Variants in NXPH1 observed in about 807,000 individuals in gnomAD.
NXPH1 encodes the protein neurexophilin 1.
Under a neutral mutation model 23.7 loss-of-function variants are expected in NXPH1, and 5 were observed. The observed-to-expected ratio is 0.21, with a 90% CI of 0.11 to 0.44. NXPH1 has a LOEUF of 0.44. Ranked by LOEUF, NXPH1 falls within the 20% of genes least tolerant of loss-of-function variation. The probability of loss-of-function intolerance (pLI) is 0.99; values close to 1 mark genes in which losing one functional copy is unlikely to be tolerated. For synonymous variants in NXPH1, 144 were observed against 122.2 expected (o/e 1.18, Z -1.18); for missense variants, 324 against 321.6 (o/e 1.01, Z -0.06).
intron 2 of NXPH1, among the ~76,000 whole-genome samples, chr7:8,527,058 A>T (rs1308741965): frequency 6.6e-6 from 1 of 152,172 alleles, no homozygotes; most frequent in Non-Finnish European, 1.5e-5. Context: ...CCAAAAAAAA[A>T]ATGGGTAGAA....
intron 2 of NXPH1, among the ~76,000 whole-genome samples, chr7:8,581,577 G>C (rs2128623757): frequency 6.6e-6 from 1 of 152,192 alleles, no homozygotes; most frequent in South Asian, 2.1e-4. Context: ...CCAACATCAG[G>C]GATTACAGTT....
intron 2 of NXPH1, among the ~76,000 whole-genome samples, chr7:8,544,662 T>C (rs1325506836): frequency 6.6e-6 from 1 of 151,638 alleles, no homozygotes; most frequent in Non-Finnish European, 1.5e-5. Context: ...TATGAATTTT[T>C]ATTATGCTTC....
At chr7:8,704,876 C>T (rs915384457) in intron 2 of NXPH1, among the ~76,000 whole-genome samples, 1 of 152,060 alleles carries the variant, frequency 6.6e-6, no homozygotes, top group African/African-American at 2.4e-5. Flanking sequence ...AGGCAAAATC[C>T]TCCTAAAGGT....
At chr7:8,552,114 C>CAAAAAAAAAAAAA (rs34390317) in intron 2 of NXPH1, among the ~76,000 whole-genome samples, 8 of 61,744 alleles carry the variant, frequency 1.3e-4, no homozygotes, top group African/African-American at 2.8e-4. Flanking sequence ...GAAAAAAAAC[C>CAAAAAAAAAAAAA]AAAAAAAAAA....
intron 2 of NXPH1, among the ~76,000 whole-genome samples, chr7:8,599,199 G>C (rs1436761259): frequency 6.6e-6 from 1 of 152,150 alleles, no homozygotes; most frequent in Non-Finnish European, 1.5e-5. Context: ...CTTCCTGGAA[G>C]AGAAAATATT....
At chr7:8,565,343 A>G (rs531329405) in intron 2 of NXPH1, among the ~76,000 whole-genome samples, 11 of 151,952 alleles carry the variant, frequency 7.2e-5, no homozygotes, top group Admixed American at 2.6e-4. Flanking sequence ...TAAGCACGCA[A>G]TGCAGGATCT....
chr7:8,440,054 T>A (rs573524418), intron 2 of NXPH1, among the ~76,000 whole-genome samples: 1 of 152,360 alleles, frequency 6.6e-6, no homozygotes, highest in East Asian at 1.9e-4. Context: ...CTCATTCCAC[T>A]GCATTTCCTG....
intron 2 of NXPH1, among the ~76,000 whole-genome samples, chr7:8,633,324 A>G (rs896133961): frequency 1.3e-5 from 2 of 152,196 alleles, no homozygotes; most frequent in Admixed American, 6.5e-5. Context: ...GCTACTCAGG[A>G]GGCTGAGGCA....
chr7:8,438,708 T>C (rs999618645), intron 2 of NXPH1, among the ~76,000 whole-genome samples: 1 of 152,232 alleles, frequency 6.6e-6, no homozygotes, highest in African/African-American at 2.4e-5. Flanking sequence ...TAACTTCTTA[T>C]GAAAACTCTG....
intron 2 of NXPH1, among the ~76,000 whole-genome samples, chr7:8,683,689 AT>A (rs896525040): frequency 3.4e-4 from 51 of 152,082 alleles, no homozygotes; most frequent in African/African-American, 1.2e-3. Flanking sequence ...AAGTAATTGC[AT>A]TTTTTTGGCA....
chr7:8,671,239 A>G (rs1469800968), intron 2 of NXPH1, among the ~76,000 whole-genome samples: 7 of 152,258 alleles, frequency 4.6e-5, no homozygotes, highest in Admixed American at 4.6e-4. Flanking sequence ...ATGTTATTAC[A>G]GGAAAATACT....
intron 2 of NXPH1, among the ~76,000 whole-genome samples, chr7:8,536,735 C>T (rs141001149): frequency 2.4e-4 from 36 of 151,964 alleles, no homozygotes; most frequent in African/African-American, 8.7e-4. Flanking sequence ...TATTAATATC[C>T]CAGACAAGAG....
chr7:8,448,933 G>A (rs2128605147), intron 2 of NXPH1, among the ~76,000 whole-genome samples: 1 of 151,886 alleles, frequency 6.6e-6, no homozygotes, highest in East Asian at 1.9e-4. Flanking sequence ...ATTGAGATGA[G>A]AATCCTTGTG....
At chr7:8,511,805 A>T (rs759540836) in intron 2 of NXPH1, among the ~76,000 whole-genome samples, 35 of 152,128 alleles carry the variant, frequency 2.3e-4, no homozygotes, top group Non-Finnish European at 4.1e-4. Flanking sequence ...CCTACTGAAG[A>T]TTCTGGCACA....
At chr7:8,648,863 T>A (rs1820439633) in intron 2 of NXPH1, among the ~76,000 whole-genome samples, 1 of 152,112 alleles carries the variant, frequency 6.6e-6, no homozygotes, top group Non-Finnish European at 1.5e-5. Flanking sequence ...TTGTAGTTTT[T>A]TAAAAATTTT....
chr7:8,474,416 A>T (rs1816932310), intron 2 of NXPH1, among the ~76,000 whole-genome samples: 1 of 152,148 alleles, frequency 6.6e-6, no homozygotes, highest in Non-Finnish European at 1.5e-5. Flanking sequence ...TCTAAAAATG[A>T]AGATAATCAC....
chr7:8,709,192 C>A (rs2115195016), intron 2 of NXPH1, among the ~76,000 whole-genome samples: 1 of 152,168 alleles, frequency 6.6e-6, no homozygotes, highest in East Asian at 1.9e-4. Flanking sequence ...ATCTCATTTC[C>A]CTATCTGCTT....
chr7:8,618,728 C>G (rs983158703), intron 2 of NXPH1, among the ~76,000 whole-genome samples: 1 of 152,142 alleles, frequency 6.6e-6, no homozygotes, highest in African/African-American at 2.4e-5. Flanking sequence ...ATTTTGAGAG[C>G]CTTCTGAGAT....
intron 2 of NXPH1, among the ~76,000 whole-genome samples, chr7:8,594,545 T>C (rs1478713283): frequency 6.6e-6 from 1 of 152,052 alleles, no homozygotes; most frequent in Non-Finnish European, 1.5e-5. Context: ...ATGTTTCTCT[T>C]TGCTTGTTTG....
Sources: gnomAD v4.1 joint callset for allele counts (sites outside exome capture counted in the v4.1 genomes callset) on GRCh38, gnomAD v4.1.1 for gene constraint, MANE v1.5 for transcripts, NCBI Gene and HGNC (gene_info 2026-07-23, HGNC 2026-07-21) for gene names.